DACH1: variants seen among roughly 807,000 people sequenced by gnomAD.
DACH1 encodes the protein dachshund family transcription factor 1.
A neutral mutation model predicts 54.2 loss-of-function variants in DACH1; 12 were observed. That is an observed-to-expected ratio of 0.22 (90% confidence interval 0.14 to 0.36). The LOEUF (loss-of-function observed/expected upper bound fraction) is 0.36, where lower values mean the gene tolerates loss of function less well. Ranked by LOEUF, DACH1 falls within the 10% of genes least tolerant of loss-of-function variation. The probability of loss-of-function intolerance (pLI) is 1.00; values close to 1 mark genes in which losing one functional copy is unlikely to be tolerated. For missense variants in DACH1, 805 were observed against 929.8 expected (o/e 0.87, Z 1.75); for synonymous variants, 386 against 366.2 (o/e 1.05, Z -0.62).
Position 71,656,921 on chromosome 13 carries a change from CATATATAT to C in DACH1, c.964+24866_964+24873del, listed in dbSNP as rs71123235. On this transcript the variant is annotated intron_variant, in intron 2 of 10. Coordinates refer to ENST00000613252, the MANE Select transcript of DACH1 (RefSeq NM_080759.6). The stretch of plus-strand genomic sequence containing the variant: ...GAGTACAGATTGACTGTTCTTCTTT[CATATATAT>C]ATATATATATATATATATATGCGCA... 5.4e-3 allele frequency among the ~76,000 whole-genome samples: 454 copies of C among 83,414 alleles called. 6 individuals carry two copies. The highest frequency in any genetic ancestry group is 0.017 in the African/African-American group (386 of 22,994). The allele number at this position is 83,414 out of a possible 152,430, so 54.7% of individuals were successfully genotyped here.
chr13:71,573,324 T>C (rs537311178), intron 3 of DACH1: 38 of 663,438 alleles, frequency 5.7e-5, no homozygotes, highest in African/African-American at 5.5e-4. Context: ...GCTATGTAAA[T>C]ATAGTATATC....
At chr13:71,665,061 T>C (rs1380042870) in intron 2 of DACH1, among the ~76,000 whole-genome samples, 1 of 152,024 alleles carries the variant, frequency 6.6e-6, no homozygotes, top group African/African-American at 2.4e-5. Context: ...GTTAAGAAAT[T>C]ATTTTTTCAA....
chr13:71,778,510 AT>A (rs1325331224), intron 1 of DACH1, among the ~76,000 whole-genome samples: 1 of 152,102 alleles, frequency 6.6e-6, no homozygotes, highest in East Asian at 1.9e-4. Flanking sequence ...TGTTGAACAA[AT>A]GTCCCCAATT....
At chr13:71,473,770 T>A (rs1033432813) in intron 10 of DACH1, among the ~76,000 whole-genome samples, 1 of 152,188 alleles carries the variant, frequency 6.6e-6, no homozygotes, top group African/African-American at 2.4e-5. Flanking sequence ...TATGGGCTCA[T>A]GTGCTTTCTG....
In DACH1 at chr13:71,834,927, T is replaced by A. The variant is rs1888724173; in HGVS notation, c.848+30995A>T. ...CTCTGCTTTTTCTACTTCTCCCTTT[T>A]CCCACATTTGTCTTTCTCTCAGTGT... On this transcript the variant is annotated intron_variant, in intron 1 of 10. Transcript: ENST00000613252. Among the ~76,000 whole-genome samples, 5 of 152,024 alleles carry A rather than the reference T, an allele frequency of 3.3e-5. No homozygotes were observed. The South Asian group carries it at 1.0e-3, about 32-fold the overall frequency.
chr13:71,864,262 A>T (rs9564854), intron 1 of DACH1, among the ~76,000 whole-genome samples: 48,099 of 151,290 alleles, frequency 0.32, 9,185 homozygotes, highest in East Asian at 0.76. Flanking sequence ...AACACACCCA[A>T]GTCCCATGGA....
chr13:71,777,252 G>A (rs563887919), intron 1 of DACH1, among the ~76,000 whole-genome samples: 10 of 152,076 alleles, frequency 6.6e-5, no homozygotes, highest in African/African-American at 2.4e-4. Context: ...TTGTCCGTAC[G>A]GTATAGCCTT....
chr13:71,791,222 G>A (rs966452739), intron 1 of DACH1, among the ~76,000 whole-genome samples: 2 of 152,154 alleles, frequency 1.3e-5, no homozygotes, highest in Non-Finnish European at 2.9e-5. Flanking sequence ...TGTGCAACCA[G>A]CTGTGCTAAT....
At position 71,717,314 on chromosome 13, in the gene DACH1, T is replaced by C. The variant is rs1480332487; in HGVS notation, c.849-35404A>G. ...GAAATGCCTAATTGTACTTTCACTT[T>C]ATCTCACTGTACCAGTAAGTAAATA... On this transcript the variant is annotated intron_variant, in intron 1 of 10. Coordinates refer to ENST00000613252, the MANE Select transcript of DACH1 (RefSeq NM_080759.6). Among the ~76,000 whole-genome samples, 6 of 152,292 alleles carry C rather than the reference T, an allele frequency of 3.9e-5. 1 individual carries two copies. In the South Asian group the frequency reaches 1.2e-3, roughly 32 times the overall value.
At chr13:71,726,791 A>T (rs908084322) in intron 1 of DACH1, among the ~76,000 whole-genome samples, 3 of 151,610 alleles carry the variant, frequency 2.0e-5, no homozygotes, top group Admixed American at 6.6e-5. Context: ...TTAAATGTTT[A>T]TCTATCTAAT....
At chr13:71,502,100 T>C (rs908679688) in intron 6 of DACH1, among the ~76,000 whole-genome samples, 6 of 152,138 alleles carry the variant, frequency 3.9e-5, no homozygotes, top group Non-Finnish European at 5.9e-5. Flanking sequence ...GTGCCATAAA[T>C]ATATATTCAA....
intron 1 of DACH1, among the ~76,000 whole-genome samples, chr13:71,788,467 A>G (rs1886696071): frequency 6.6e-6 from 1 of 152,116 alleles, no homozygotes; most frequent in Admixed American, 6.6e-5. Context: ...ATACTAACAT[A>G]TAACGAATCA....
chr13:71,614,546 A>G (rs1875607912), intron 3 of DACH1, among the ~76,000 whole-genome samples: 3 of 152,200 alleles, frequency 2.0e-5, no homozygotes, highest in African/African-American at 7.2e-5. Flanking sequence ...CATCATTAAT[A>G]TAAAAATGCC....
At chr13:71,449,983 T>C (rs944409140) in intron 10 of DACH1, among the ~76,000 whole-genome samples, 1 of 151,536 alleles carries the variant, frequency 6.6e-6, no homozygotes, top group Admixed American at 6.6e-5. Context: ...GACGAGTTAC[T>C]GGGTTCGGCA....
At chr13:71,765,760 G>T (rs1484464534) in intron 1 of DACH1, among the ~76,000 whole-genome samples, 1 of 152,044 alleles carries the variant, frequency 6.6e-6, no homozygotes, top group Non-Finnish European at 1.5e-5. Flanking sequence ...AGTTTTATAA[G>T]TAATGTTTCC....
At chr13:71,820,033 G>T (rs183714508) in intron 1 of DACH1, among the ~76,000 whole-genome samples, 3 of 133,510 alleles carry the variant, frequency 2.2e-5, no homozygotes, top group Non-Finnish European at 4.6e-5. Flanking sequence ...CTGAGAGGCC[G>T]AAGTGGGAGA....
At chr13:71,798,699 A>G (rs1480268816) in intron 1 of DACH1, among the ~76,000 whole-genome samples, 1 of 152,086 alleles carries the variant, frequency 6.6e-6, no homozygotes, top group Non-Finnish European at 1.5e-5. Context: ...GGACCAGCAA[A>G]TAACCAACTA....
chr13:71,788,400 T>C (rs1229856863), intron 1 of DACH1, among the ~76,000 whole-genome samples: 2 of 152,310 alleles, frequency 1.3e-5, no homozygotes, highest in East Asian at 3.9e-4. Flanking sequence ...TCTGTGTTTA[T>C]ATACACAAAT....
chr13:71,837,629 T>C (rs1888846398), intron 1 of DACH1, among the ~76,000 whole-genome samples: 1 of 151,928 alleles, frequency 6.6e-6, no homozygotes, highest in South Asian at 2.1e-4. Context: ...GCAAAACAGA[T>C]AGGTGAGTAT....
Sources: allele counts gnomAD v4.1 joint callset (sites outside exome capture counted in the v4.1 genomes callset), GRCh38; gene constraint gnomAD v4.1.1; transcripts MANE v1.5; gene names NCBI Gene and HGNC (gene_info 2026-07-23, HGNC 2026-07-21).